Variants in SLC39A11 observed in about 807,000 individuals in gnomAD.
SLC39A11 encodes the protein solute carrier family 39 member 11.
SLC39A11 carries 33 observed loss-of-function variants against 36.1 expected under a neutral mutation model. That is an observed-to-expected ratio of 0.91 (90% CI 0.69 to 1.22). SLC39A11 has a LOEUF of 1.22. Ranked by LOEUF, SLC39A11 falls within the 50% of genes most tolerant of loss-of-function variation. The pLI, the probability that SLC39A11 is intolerant of heterozygous loss-of-function variation, is 0.00. For missense variants in SLC39A11, 432 were observed against 430.3 expected, an observed-to-expected ratio of 1.00 and a Z score of -0.03; for synonymous variants, 166 against 170.3, an observed-to-expected ratio of 0.97 and a Z score of 0.20.
At chr17:73,049,966 T>C (rs1347816779) in intron 3 of SLC39A11, among the ~76,000 whole-genome samples, 1 of 151,892 alleles carries the variant, frequency 6.6e-6, no homozygotes, top group African/African-American at 2.4e-5. Context: ...CTACTAAAAA[T>C]ACAAAAATTA....
intron 5 of SLC39A11, among the ~76,000 whole-genome samples, chr17:72,931,904 G>A (rs1234337266): frequency 6.6e-6 from 1 of 152,156 alleles, no homozygotes; most frequent in Non-Finnish European, 1.5e-5. Flanking sequence ...AGTGAACCAT[G>A]AGCCATGCTC....
chr17:72,759,102 A>AAATAATAATAATAAT (rs776562987), intron 6 of SLC39A11, among the ~76,000 whole-genome samples: 2,243 of 135,416 alleles, frequency 0.017, 46 homozygotes, highest in African/African-American at 0.057. Context: ...TTTCATCTAA[A>AAATAATAATAATAAT]AATAATAACA....
At chr17:72,889,910 A>G (rs989180650) in intron 5 of SLC39A11, among the ~76,000 whole-genome samples, 1 of 152,166 alleles carries the variant, frequency 6.6e-6, no homozygotes, top group Non-Finnish European at 1.5e-5. Flanking sequence ...ACTCTGATCC[A>G]GTGAAGGGCT....
intron 6 of SLC39A11, among the ~76,000 whole-genome samples, chr17:72,785,657 T>A (rs1233167832): frequency 6.6e-6 from 1 of 152,200 alleles, no homozygotes; most frequent in African/African-American, 2.4e-5. Flanking sequence ...GTGGAAGGGC[T>A]TTAGTGGTGG....
chr17:72,667,869 G>T (rs1366629121), intron 7 of SLC39A11, among the ~76,000 whole-genome samples: 1 of 152,180 alleles, frequency 6.6e-6, no homozygotes, highest in African/African-American at 2.4e-5. Context: ...AGAAACTGAG[G>T]CTTACAGAAG....
intron 5 of SLC39A11, among the ~76,000 whole-genome samples, chr17:72,857,164 CTGT>C (rs2079690480): frequency 6.6e-6 from 1 of 152,146 alleles, no homozygotes; most frequent in African/African-American, 2.4e-5. Context: ...GCTCTAGTGT[CTGT>C]TGTTCCCTTC....
intron 6 of SLC39A11, among the ~76,000 whole-genome samples, chr17:72,793,165 T>C (rs1010327831): frequency 1.3e-5 from 2 of 151,926 alleles, no homozygotes; most frequent in African/African-American, 2.4e-5. Context: ...GGGGATGGTG[T>C]GGGAAAAGCT....
chr17:73,013,136 A>T (rs73350907), intron 4 of SLC39A11, among the ~76,000 whole-genome samples: 4 of 151,990 alleles, frequency 2.6e-5, no homozygotes, highest in African/African-American at 9.7e-5. Flanking sequence ...GCTGTCATCC[A>T]GGCTGGAGTG....
At chr17:72,771,115 C>A (rs560652319) in intron 6 of SLC39A11, among the ~76,000 whole-genome samples, 1 of 151,088 alleles carries the variant, frequency 6.6e-6, no homozygotes, top group African/African-American at 2.4e-5. Context: ...CCAGGTGCAG[C>A]GGCTCACGCC....
intron 6 of SLC39A11, among the ~76,000 whole-genome samples, chr17:72,807,142 T>C (rs1005799610): frequency 6.6e-6 from 1 of 152,250 alleles, no homozygotes; most frequent in African/African-American, 2.4e-5. Flanking sequence ...ATTGATAGCA[T>C]CCTCTTCTTC....
At chr17:72,808,086 T>C in intron 6 of SLC39A11, among the ~76,000 whole-genome samples, 1 of 152,090 alleles carries the variant, frequency 6.6e-6, no homozygotes, top group Middle Eastern at 3.4e-3. Flanking sequence ...TGGCCATAAG[T>C]TCTGTGTGTG....
chr17:72,734,253 C>CT, intron 7 of SLC39A11, among the ~76,000 whole-genome samples: 1 of 152,286 alleles, frequency 6.6e-6, no homozygotes, highest in East Asian at 1.9e-4. Context: ...AGGAGGGAAT[C>CT]ACAAACTCTA....
intron 6 of SLC39A11, among the ~76,000 whole-genome samples, chr17:72,844,019 CA>C (rs903799805): frequency 6.7e-6 from 1 of 150,158 alleles, no homozygotes; most frequent in Non-Finnish European, 1.5e-5. Context: ...ATAGCAAAGA[CA>C]AAAAACTTCA....
rs2086793921 is a variant in SLC39A11, at chr17:72,963,868, C to T, written c.307-15993G>A. ...TGTCCAGTAGCCCACCTTTAGGGAC[C>T]CATGAACAGTTTTAATTTCTTCTCA... On this transcript the variant is annotated intron_variant, in intron 4 of 9. Transcript: ENST00000255559. 2.6e-5 allele frequency among the ~76,000 whole-genome samples: 4 copies of T among 152,046 alleles called. No homozygotes were observed. The South Asian group carries it at 8.3e-4, about 32-fold the overall frequency.
intron 7 of SLC39A11, among the ~76,000 whole-genome samples, chr17:72,674,804 G>A (rs562551022): frequency 7.5e-4 from 114 of 152,188 alleles, no homozygotes; most frequent in Non-Finnish European, 1.4e-3. Flanking sequence ...GAGTTTCAGC[G>A]TTTTTCTCAT....
At chr17:72,775,443 G>C (rs1395550533) in intron 6 of SLC39A11, among the ~76,000 whole-genome samples, 1 of 152,162 alleles carries the variant, frequency 6.6e-6, no homozygotes, top group Non-Finnish European at 1.5e-5. Context: ...GGAGGCACTG[G>C]GGAGTCAGGT....
intron 7 of SLC39A11, among the ~76,000 whole-genome samples, chr17:72,718,818 G>A (rs191443409): frequency 9.2e-5 from 14 of 152,240 alleles, no homozygotes; most frequent in Non-Finnish European, 1.5e-4. Flanking sequence ...AAGTTTATTC[G>A]TGGGCTTCTG....
chr17:72,748,124 C>T (rs922292259), intron 6 of SLC39A11, among the ~76,000 whole-genome samples: 1 of 152,172 alleles, frequency 6.6e-6, no homozygotes, highest in African/African-American at 2.4e-5. Flanking sequence ...GAGTTCAAGA[C>T]TAGCCTGGCC....
intron 6 of SLC39A11, among the ~76,000 whole-genome samples, chr17:72,809,925 C>A (rs1043303364): frequency 6.6e-6 from 1 of 151,764 alleles, no homozygotes; most frequent in African/African-American, 2.4e-5. Context: ...CAAAAACTAG[C>A]CAGGCGTGGG....
Sources: allele counts gnomAD v4.1 joint callset (sites outside exome capture counted in the v4.1 genomes callset), GRCh38; gene constraint gnomAD v4.1.1; transcripts MANE v1.5; gene names NCBI Gene and HGNC (gene_info 2026-07-23, HGNC 2026-07-21).